Variants in MDGA2 observed in about 807,000 individuals in gnomAD.
The protein encoded by MDGA2 is MAM domain containing glycosylphosphatidylinositol anchor 2, also known as MAM domain-containing glycosylphosphatidylinositol anchor protein 2.
In MDGA2, 40 loss-of-function variants were observed where a neutral mutation model predicts 117.8. That is an observed-to-expected ratio of 0.34 (90% confidence interval 0.26 to 0.44). The LOEUF (loss-of-function observed/expected upper bound fraction) is 0.44, where lower values mean the gene tolerates loss of function less well. MDGA2 is among the 20% of genes least tolerant of loss of function. The pLI is 1.00. For synonymous variants in MDGA2, 452 were observed against 439.0 expected, an observed-to-expected ratio of 1.03 and a Z score of -0.37; for missense variants, 1,123 against 1,250.6, an observed-to-expected ratio of 0.90 and a Z score of 1.54.
intron 7 of MDGA2, chr14:47,059,494 T>A: frequency 2.7e-6 from 1 of 376,788 alleles, no homozygotes; most frequent in Non-Finnish European, 5.0e-6. Flanking sequence ...CACAAATCAA[T>A]GTTGGTCATC....
chr14:47,469,151 CTTTT>C (rs920204791), intron 1 of MDGA2, among the ~76,000 whole-genome samples: 2 of 151,054 alleles, frequency 1.3e-5, no homozygotes, highest in African/African-American at 4.9e-5. Flanking sequence ...TCAGCATTTT[CTTTT>C]TTTTTCTTTT....
chr14:47,134,872 A>T (rs1306966399), intron 4 of MDGA2, among the ~76,000 whole-genome samples: 1 of 151,820 alleles, frequency 6.6e-6, no homozygotes, highest in Non-Finnish European at 1.5e-5. Flanking sequence ...CAATATTCTA[A>T]AAGCAACCAC....
At position 47,574,558 on chromosome 14, in the gene MDGA2, T is replaced by C. The variant is rs575262224; in HGVS notation, c.280+99959A>G. On this transcript the variant is annotated intron_variant, in intron 1 of 16. Coordinates refer to ENST00000399232, the MANE Select transcript of MDGA2 (RefSeq NM_001113498.3). ...ACCCTAATTCTAGTTAATCCAGTCA[T>C]GACAGGTCAATTGTAATATCTGATT... Among the ~76,000 whole-genome samples the C allele has an allele frequency of 8.5e-5, 13 of 152,318 alleles. No individual in the cohort carries two copies. The East Asian group carries it at 2.5e-3, about 29-fold the overall frequency.
intron 1 of MDGA2, among the ~76,000 whole-genome samples, chr14:47,543,221 C>A (rs897237068): frequency 1.3e-5 from 2 of 151,604 alleles, no homozygotes; most frequent in East Asian, 3.9e-4. Flanking sequence ...GCGACAACAG[C>A]AGAGAAAATA....
At chr14:47,199,821 G>A (rs1265495916) in intron 3 of MDGA2, among the ~76,000 whole-genome samples, 7 of 152,106 alleles carry the variant, frequency 4.6e-5, no homozygotes, top group Admixed American at 3.3e-4. Context: ...ATAGTCAGAA[G>A]TTTTAGAACA....
At chr14:47,643,216 G>T (rs901374710) in intron 1 of MDGA2, among the ~76,000 whole-genome samples, 3 of 151,878 alleles carry the variant, frequency 2.0e-5, no homozygotes, top group Non-Finnish European at 2.9e-5. Context: ...CTATTCATAA[G>T]CAAAAAATTT....
chr14:47,586,172 T>C (rs1896321405), intron 1 of MDGA2, among the ~76,000 whole-genome samples: 1 of 152,002 alleles, frequency 6.6e-6, no homozygotes, highest in Non-Finnish European at 1.5e-5. Flanking sequence ...TTCATTTTAA[T>C]TGACTACTCC....
intron 9 of MDGA2, among the ~76,000 whole-genome samples, chr14:46,927,562 A>T (rs1448619032): frequency 1.3e-5 from 2 of 152,190 alleles, no homozygotes; most frequent in Non-Finnish European, 2.9e-5. Flanking sequence ...ATAAAAACAT[A>T]ACAACTAATT....
In MDGA2 at chr14:47,144,171, A is replaced by T; in HGVS notation, c.699T>A (p.Asn233Lys). ...TVFLRCVANS[N>K]PPVRYSWRRG... ...GTCTCCAGCTATACCGAACAGGAGGATTGGAATTGGCAACACACCGGAGGA... is the reference window on the plus strand; with the variant it reads ...GTCTCCAGCTATACCGAACAGGAGGTTTGGAATTGGCAACACACCGGAGGA... The change falls in exon 4 of 17, where the codon AAT becomes AAA. Residue 233 changes from asparagine (N) to lysine (K), a missense_variant. Asn to Lys is a moderately conservative substitution (Grantham distance 94). Transcript: ENST00000399232. 1 of 1,551,342 alleles carries T rather than the reference A, an allele frequency of 6.4e-7. No individual in the cohort carries two copies. The highest frequency in any genetic ancestry group is 8.7e-7 in the Non-Finnish European group (1 of 1,146,788).
intron 1 of MDGA2, among the ~76,000 whole-genome samples, chr14:47,461,269 ATGTGTGTGTGTG>A (rs55889646): frequency 1.4e-5 from 2 of 142,838 alleles, no homozygotes; most frequent in Non-Finnish European, 1.5e-5. Context: ...AAAAAAATGT[ATGTGTGTGTGTG>A]TGTGTGTGTG....
intron 2 of MDGA2, among the ~76,000 whole-genome samples, chr14:47,296,531 T>C (rs953375686): frequency 4.6e-5 from 7 of 152,158 alleles, no homozygotes; most frequent in Non-Finnish European, 1.0e-4. Context: ...CTGATAAACA[T>C]GTGGGAAAAT....
intron 3 of MDGA2, among the ~76,000 whole-genome samples, chr14:47,150,577 T>G (rs1003037629): frequency 1.3e-5 from 2 of 152,130 alleles, no homozygotes; most frequent in South Asian, 2.1e-4. Context: ...CCTCAATACC[T>G]ATCCTTATCA....
At chr14:47,567,246 C>G (rs1412091077) in intron 1 of MDGA2, among the ~76,000 whole-genome samples, 1 of 152,112 alleles carries the variant, frequency 6.6e-6, no homozygotes, top group African/African-American at 2.4e-5. Flanking sequence ...TCCATCCAAA[C>G]ATCTATCATA....
chr14:47,136,046 A>AT (rs974537364), intron 4 of MDGA2, among the ~76,000 whole-genome samples: 1 of 151,860 alleles, frequency 6.6e-6, no homozygotes, highest in Non-Finnish European at 1.5e-5. Flanking sequence ...CCTCTTTCTA[A>AT]TTTTTTTCAC....
At chr14:47,567,226 T>A (rs1481070876) in intron 1 of MDGA2, among the ~76,000 whole-genome samples, 3 of 152,082 alleles carry the variant, frequency 2.0e-5, no homozygotes, top group African/African-American at 7.2e-5. Flanking sequence ...TTAAAATATT[T>A]TAGAAGATAT....
chr14:47,558,193 G>T (rs1030019339), intron 1 of MDGA2, among the ~76,000 whole-genome samples: 1 of 152,106 alleles, frequency 6.6e-6, no homozygotes, highest in Admixed American at 6.5e-5. Context: ...TATGCCTATG[G>T]ATACAAATGT....
At chr14:47,191,675 A>G (rs896631012) in intron 3 of MDGA2, among the ~76,000 whole-genome samples, 2 of 152,166 alleles carry the variant, frequency 1.3e-5, no homozygotes, top group Non-Finnish European at 2.9e-5. Flanking sequence ...TTTCCCACTA[A>G]TAATGAGTTG....
chr14:47,303,916 T>G (rs898636293), intron 1 of MDGA2, among the ~76,000 whole-genome samples: 1 of 152,200 alleles, frequency 6.6e-6, no homozygotes, highest in Non-Finnish European at 1.5e-5. Context: ...TAGCTTTATT[T>G]AAACCACTTA....
chr14:47,637,276 T>C (rs1020000287), intron 1 of MDGA2, among the ~76,000 whole-genome samples: 6 of 152,320 alleles, frequency 3.9e-5, no homozygotes, highest in South Asian at 2.1e-4. Flanking sequence ...ATTCAAGCGC[T>C]TCTAACTCTA....
Sources: gnomAD v4.1 joint callset for allele counts (sites outside exome capture counted in the v4.1 genomes callset) on GRCh38, gnomAD v4.1.1 for gene constraint, MANE v1.5 for transcripts, NCBI Gene and HGNC (gene_info 2026-07-23, HGNC 2026-07-21) for gene names.